EIF2B5: variants seen among roughly 807,000 people sequenced by gnomAD.
The protein encoded by EIF2B5 is translation initiation factor eIF2B subunit epsilon.
EIF2B5 carries 38 observed loss-of-function variants against 87.3 expected under a neutral mutation model. The observed-to-expected ratio is 0.44, with a 90% CI of 0.34 to 0.57. The LOEUF (loss-of-function observed/expected upper bound fraction) is 0.57, where lower values mean the gene tolerates loss of function less well. Ranked by LOEUF, EIF2B5 falls within the 20% of genes least tolerant of loss-of-function variation. The probability of loss-of-function intolerance (pLI) is 0.02; values close to 1 mark genes in which losing one functional copy is unlikely to be tolerated. For synonymous variants in EIF2B5, 313 were observed against 339.6 expected (o/e 0.92, Z 0.86); for missense variants, 784 against 909.5 (o/e 0.86, Z 1.78).
At chr3:184,139,357 T>G (rs1713518001) in intron 5 of EIF2B5, among the ~76,000 whole-genome samples, 1 of 133,414 alleles carries the variant, frequency 7.5e-6, no homozygotes, top group Non-Finnish European at 1.5e-5. Context: ...CTCAGCTCAC[T>G]GCAACCTCCA....
At chr3:184,137,288 A>C (rs1472360168) in intron 2 of EIF2B5, 1 of 428,040 alleles carries the variant, frequency 2.3e-6, no homozygotes, top group Non-Finnish European at 4.3e-6. Context: ...GGATTGCAGA[A>C]GGGGAAAGCT....
intron 5 of EIF2B5, 57 bp downstream of exon 5, chr3:184,138,303 T>G: frequency 6.8e-7 from 1 of 1,472,400 alleles, no homozygotes; most frequent in South Asian, 1.1e-5. Context: ...GTGGGTCTGT[T>G]ATTGTCCCCT....
chr3:184,136,839 C>T (rs908141283), intron 2 of EIF2B5, 103 bp downstream of exon 2: 12 of 1,513,314 alleles, frequency 7.9e-6, no homozygotes, highest in Non-Finnish European at 1.0e-5. Context: ...AATGTGTCTA[C>T]TTAGATGTCA....
In EIF2B5 at chr3:184,142,664, A is replaced by G; in HGVS notation, c.1546+61A>G. ...AATCGGAATATTTTGAAGGATAATG[A>G]ATACTTCAGAGTCACATTACTTATT... On this transcript the variant is annotated intron_variant, in intron 10 of 15. Coordinates refer to ENST00000648915, the MANE Select transcript of EIF2B5 (RefSeq NM_003907.3). The surrounding 1 kb of genome is among the most constrained non-coding windows in gnomAD (Gnocchi z 5.0). The G allele has an allele frequency of 6.4e-7, 1 of 1,556,320 alleles. No individual in the cohort carries two copies. Among genetic ancestry groups the G allele is most frequent in the East Asian group, 2.3e-5 (1 of 43,226 alleles).
At chr3:184,135,683 CGTCT>C in intron 1 of EIF2B5, 103 bp downstream of exon 1, 1 of 1,444,198 alleles carries the variant, frequency 6.9e-7, no homozygotes, top group Non-Finnish European at 9.5e-7. Flanking sequence ...GAAGGACCTG[CGTCT>C]ATGCTGTTAT....
intron 6 of EIF2B5, 119 bp from the exon 7 acceptor site, chr3:184,140,296 CAAA>C: frequency 7.1e-7 from 1 of 1,411,122 alleles, no homozygotes. Flanking sequence ...GAACAGTACA[CAAA>C]GAAGAATCTT....
intron 6 of EIF2B5, 124 bp downstream of exon 6, chr3:184,140,281 A>G: frequency 2.2e-6 from 3 of 1,382,582 alleles, no homozygotes; most frequent in Non-Finnish European, 3.1e-6. Flanking sequence ...AGCAGGGGAC[A>G]GGAGGAACAG....
At chr3:184,141,775 G>C in intron 7 of EIF2B5, 150 bp from the exon 8 acceptor site, 1 of 904,636 alleles carries the variant, frequency 1.1e-6, no homozygotes, top group Non-Finnish European at 1.8e-6. Context: ...TGGGCTTAGG[G>C]GGTGAGTGGG....
intron 4 of EIF2B5, 27 bp from the exon 5 acceptor site, chr3:184,138,139 T>TA (rs762742334): frequency 2.5e-6 from 4 of 1,613,928 alleles, no homozygotes; most frequent in African/African-American, 2.7e-5. Flanking sequence ...AGAAACAAAT[T>TA]AAAGTCCTTG....
chr3:184,143,619 A>G, intron 13 of EIF2B5, 54 bp downstream of exon 13: 1 of 1,613,408 alleles, frequency 6.2e-7, no homozygotes, highest in Non-Finnish European at 8.5e-7. Context: ...AAAGGAAATC[A>G]GGAGTAGACT....
intron 2 of EIF2B5, 141 bp from the exon 3 acceptor site, chr3:184,137,479 C>T (rs1466672312): frequency 3.8e-5 from 29 of 766,578 alleles, no homozygotes; most frequent in Non-Finnish European, 6.4e-5. Context: ...TCATAATACT[C>T]TTTGAAGTTG....
chr3:184,144,054 G>A (rs774232716), intron 13 of EIF2B5, 45 bp from the exon 14 acceptor site: 18 of 1,613,890 alleles, frequency 1.1e-5, no homozygotes, highest in East Asian at 2.2e-5. Flanking sequence ...CCAGGTATAG[G>A]TGAATGCTTA....
Position 184,142,658 on chromosome 3 carries a change from A to G in EIF2B5, c.1546+55A>G. On this transcript the variant is annotated intron_variant, in intron 10 of 15. Transcript: ENST00000648915. This position sits in a 1 kb window ranked among gnomAD's most constrained non-coding sequence, Gnocchi z 5.0. ...CTCCTGAATCGGAATATTTTGAAGG[A>G]TAATGAATACTTCAGAGTCACATTA... 2 of 1,576,232 alleles carry G rather than the reference A, an allele frequency of 1.3e-6. No individual in the cohort carries two copies. Among genetic ancestry groups the G allele is most frequent in the East Asian group, 2.3e-5 (1 of 43,488 alleles).
intron 5 of EIF2B5, chr3:184,138,710 CA>C (rs1287233696): frequency 9.3e-6 from 2 of 215,462 alleles, no homozygotes; most frequent in African/African-American, 4.8e-5. Flanking sequence ...CTCTGTGGCC[CA>C]GGCTGGAGCA....
At chr3:184,144,281 A>AC (rs757235274) in intron 14 of EIF2B5, 57 bp downstream of exon 14, 14 of 1,610,166 alleles carry the variant, frequency 8.7e-6, no homozygotes, top group African/African-American at 1.3e-5. Flanking sequence ...AGGGTTGGTG[A>AC]CCCCCTTGGG....
chr3:184,135,550 C>A lies in EIF2B5; in HGVS notation c.165C>A (p.Arg55=). Residue 55 remains arginine (R), a synonymous_variant, in exon 1 of 16, where the codon CGC becomes CGA. Coordinates refer to ENST00000648915, the MANE Select transcript of EIF2B5 (RefSeq NM_003907.3). The part of the protein sequence containing the change: ...AVLVADSFDR[R]FFPISKDQPR... ...TGGTGGCCGATAGCTTCGATCGCCGCTTCTTCCCCATCTCCAAGGACCAGC... is the reference window on the plus strand; with the variant it reads ...TGGTGGCCGATAGCTTCGATCGCCGATTCTTCCCCATCTCCAAGGACCAGC... 1 of 1,591,114 alleles carries A rather than the reference C, an allele frequency of 6.3e-7. No individual in the cohort carries two copies. The highest frequency in any genetic ancestry group is 1.3e-5 in the African/African-American group (1 of 74,326).
chr3:184,136,816 G>A (rs1713382718), intron 2 of EIF2B5, 80 bp downstream of exon 2: 10 of 1,591,830 alleles, frequency 6.3e-6, no homozygotes, highest in Non-Finnish European at 7.7e-6. Context: ...AAGGGGAAAT[G>A]TGAGAGGGGA....
chr3:184,136,650 C>T lies in EIF2B5; in HGVS notation c.234C>T (p.Tyr78=), dbSNP rs968181452. The T allele has an allele frequency of 1.2e-6, 2 of 1,614,064 alleles. No homozygotes were observed. The highest frequency in any genetic ancestry group is 1.3e-5 in the African/African-American group (1 of 74,916). ...TGGCCAATGTGGCATTAATTGACTA[C>T]ACTCTGGAATTCCTGACTGCCACAG... ...LPLANVALID[Y]TLEFLTATGV... is the part of the protein sequence containing the mutation. The change falls in exon 2 of 16, where the codon TAC becomes TAT. Residue 78 remains tyrosine, a synonymous_variant. Transcript: ENST00000648915.
chr3:184,142,627 C>G lies in EIF2B5; in HGVS notation c.1546+24C>G. The G allele has an allele frequency of 6.2e-7, 1 of 1,605,784 alleles. No homozygotes were observed. Among genetic ancestry groups the G allele is most frequent in the Non-Finnish European group, 8.5e-7 (1 of 1,174,610 alleles). On this transcript the variant is annotated intron_variant, in intron 10 of 15. Coordinates refer to ENST00000648915, the MANE Select transcript of EIF2B5 (RefSeq NM_003907.3). The surrounding 1 kb of genome is among the most constrained non-coding windows in gnomAD (Gnocchi z 5.0). ...GGGTGAGCTAGGCCTGATGCCTGCC[C>G]TTCTCCTCCTGAATCGGAATATTTT...
Sources: allele counts gnomAD v4.1 joint callset (sites outside exome capture counted in the v4.1 genomes callset), GRCh38; gene constraint gnomAD v4.1.1; non-coding constraint Gnocchi (gnomAD v3.1); transcripts MANE v1.5; gene names NCBI Gene and HGNC (gene_info 2026-07-23, HGNC 2026-07-21).